SPATA16: variants seen among roughly 807,000 people sequenced by gnomAD.
SPATA16 encodes spermatogenesis-associated protein 16.
Under a neutral mutation model 63.3 loss-of-function variants are expected in SPATA16, and 36 were observed. The observed-to-expected ratio is 0.57, with a 90% CI of 0.44 to 0.75. SPATA16 has a LOEUF of 0.75. Ranked by LOEUF, SPATA16 falls within the 30% of genes least tolerant of loss-of-function variation. The pLI is 0.00. For missense variants in SPATA16, 646 were observed against 679.3 expected, an observed-to-expected ratio of 0.95 and a Z score of 0.54; for synonymous variants, 203 against 216.7, an observed-to-expected ratio of 0.94 and a Z score of 0.56.
chr3:172,912,725 A>C (rs1732395865), intron 10 of SPATA16, among the ~76,000 whole-genome samples: 1 of 152,206 alleles, frequency 6.6e-6, no homozygotes, highest in African/African-American at 2.4e-5. Context: ...ACATATATAC[A>C]ATACGTGTGA....
Position 173,009,310 on chromosome 3 carries a change from C to T in SPATA16, c.848+10176G>A, listed in dbSNP as rs183091928. Reference sequence around the variant, plus strand: ...AAAGAGAGGAGCAAAGCAGGACAGCCACCCACCTGGGATTGGTGCAGAGCC... The same window carrying T: ...AAAGAGAGGAGCAAAGCAGGACAGCTACCCACCTGGGATTGGTGCAGAGCC... On this transcript the variant is annotated intron_variant, in intron 4 of 10. Transcript: ENST00000351008. Among the ~76,000 whole-genome samples, 4 of 152,324 alleles carry T rather than the reference C, an allele frequency of 2.6e-5. No individual in the cohort carries two copies. In the East Asian group the frequency reaches 7.7e-4, roughly 29 times the overall value.
chr3:173,088,022 CTT>C (rs1400541354), intron 2 of SPATA16, among the ~76,000 whole-genome samples: 2 of 108,996 alleles, frequency 1.8e-5, no homozygotes, highest in Admixed American at 2.0e-4. Flanking sequence ...TTCTTTCTTT[CTT>C]TCTTTCTTTC....
rs1304102583 is a variant in SPATA16 at position 173,021,728 on chromosome 3, T to TTATA, written c.759-2154_759-2153insTATA. 1.4e-4 allele frequency among the ~76,000 whole-genome samples: 14 copies of TTATA among 97,098 alleles called. 1 individual carries two copies. In the South Asian group the frequency reaches 4.1e-3, roughly 28 times the overall value. 63.7% of individuals were successfully genotyped at this position (97,098 alleles called of 152,430 possible). ...GTAATTCTTCCCTATTACTTTTTAT[T>TTATA]TATTTATTTATTTATTTATTTATTT... is the stretch of plus-strand genomic sequence containing the variant. On this transcript the variant is annotated intron_variant, in intron 3 of 10. Transcript: ENST00000351008.
intron 2 of SPATA16, among the ~76,000 whole-genome samples, chr3:173,089,122 G>A (rs73880426): frequency 0.027 from 4,167 of 152,250 alleles, 209 homozygotes; most frequent in African/African-American, 0.095. Flanking sequence ...GATTTCTCAT[G>A]CCTAAATAAG....
intron 1 of SPATA16, among the ~76,000 whole-genome samples, chr3:173,118,627 C>T (rs1162349319): frequency 6.6e-6 from 1 of 152,142 alleles, no homozygotes; most frequent in Non-Finnish European, 1.5e-5. Flanking sequence ...ATTCTGGAAA[C>T]AACTTTGTGG....
chr3:173,098,758 G>A (rs1737419627), intron 2 of SPATA16, among the ~76,000 whole-genome samples: 1 of 152,138 alleles, frequency 6.6e-6, no homozygotes. Flanking sequence ...ATATGCCATG[G>A]TGCTTCTAAT....
At chr3:173,101,877 T>C (rs1435993113) in intron 2 of SPATA16, among the ~76,000 whole-genome samples, 4 of 152,180 alleles carry the variant, frequency 2.6e-5, no homozygotes, top group African/African-American at 9.6e-5. Context: ...TTCTCTTCAC[T>C]GGACGCTTTC....
At chr3:172,917,639 A>C (rs976833569) in intron 8 of SPATA16, among the ~76,000 whole-genome samples, 1 of 152,202 alleles carries the variant, frequency 6.6e-6, no homozygotes, top group Non-Finnish European at 1.5e-5. Context: ...CAAATATCTC[A>C]AACAGAAGTT....
chr3:172,962,578 A>G (rs1025333262), intron 5 of SPATA16, among the ~76,000 whole-genome samples: 2 of 152,178 alleles, frequency 1.3e-5, no homozygotes, highest in Non-Finnish European at 2.9e-5. Flanking sequence ...ATTTAAAGAG[A>G]TGAAACAACA....
At chr3:173,102,817 T>C (rs1320360760) in intron 2 of SPATA16, among the ~76,000 whole-genome samples, 1 of 152,162 alleles carries the variant, frequency 6.6e-6, no homozygotes, top group Non-Finnish European at 1.5e-5. Flanking sequence ...ATTTCAGAAT[T>C]AAGTCAGAAG....
At chr3:172,948,860 G>A (rs1344736712) in intron 6 of SPATA16, among the ~76,000 whole-genome samples, 1 of 152,112 alleles carries the variant, frequency 6.6e-6, no homozygotes, top group African/African-American at 2.4e-5. Context: ...TTTTTGCAAC[G>A]TGGAAGAAGT....
chr3:173,041,089 A>G (rs1735829097), intron 3 of SPATA16, among the ~76,000 whole-genome samples: 1 of 152,026 alleles, frequency 6.6e-6, no homozygotes, highest in African/African-American at 2.4e-5. Context: ...AGGTGGATTT[A>G]TTTTGGGGGG....
intron 4 of SPATA16, 28 bp from the exon 5 acceptor site, chr3:172,977,080 A>T (rs1051915553): frequency 6.3e-7 from 1 of 1,580,992 alleles, no homozygotes; most frequent in South Asian, 1.1e-5. Context: ...TTAAAAAAAA[A>T]ACAAAAACAA....
At chr3:173,069,969 CTG>C (rs1224614118) in intron 2 of SPATA16, among the ~76,000 whole-genome samples, 1 of 146,154 alleles carries the variant, frequency 6.8e-6, no homozygotes, top group Non-Finnish European at 1.5e-5. Context: ...AAAAAAAAAA[CTG>C]GGTGTAGAGG....
At chr3:173,105,638 G>A (rs896070830) in intron 2 of SPATA16, among the ~76,000 whole-genome samples, 3 of 152,112 alleles carry the variant, frequency 2.0e-5, no homozygotes, top group African/African-American at 7.2e-5. Context: ...TTTCCCCTGT[G>A]CTTCCGGCAT....
rs188302417 is a variant in SPATA16 at position 173,055,489 on chromosome 3, C to G, written c.613-6395G>C. ...TCCATGCAGTGACTTGAATGAATCT[C>G]TAGGGAATATGCTGAGTAAAAAAAT... On this transcript the variant is annotated intron_variant, in intron 2 of 10. Coordinates refer to ENST00000351008, the MANE Select transcript of SPATA16 (RefSeq NM_031955.6). Among the ~76,000 whole-genome samples, 109 of 152,162 alleles carry G rather than the reference C, an allele frequency of 7.2e-4. 1 individual carries two copies. Among genetic ancestry groups the G allele is most frequent in the African/African-American group, 2.6e-3 (108 of 41,518 alleles).
chr3:173,015,253 G>A (rs551370697), intron 4 of SPATA16, among the ~76,000 whole-genome samples: 3 of 152,024 alleles, frequency 2.0e-5, no homozygotes, highest in South Asian at 2.1e-4. Flanking sequence ...TAGTAGAGAC[G>A]GGGTTGCACC....
intron 8 of SPATA16, among the ~76,000 whole-genome samples, chr3:172,922,533 C>T (rs1009935712): frequency 5.3e-5 from 8 of 152,190 alleles, no homozygotes; most frequent in African/African-American, 1.9e-4. Context: ...CCCAGTAAGG[C>T]CCAACCTATG....
At chr3:172,910,327 C>T (rs967450639) in intron 10 of SPATA16, among the ~76,000 whole-genome samples, 3 of 152,110 alleles carry the variant, frequency 2.0e-5, no homozygotes, top group South Asian at 4.2e-4. Context: ...CTCCTGACCT[C>T]GTGATCCGCC....
Sources: gnomAD v4.1 joint callset for allele counts (sites outside exome capture counted in the v4.1 genomes callset) on GRCh38, gnomAD v4.1.1 for gene constraint, MANE v1.5 for transcripts, NCBI Gene and HGNC (gene_info 2026-07-23, HGNC 2026-07-21) for gene names.